Variants in EDNRB observed in about 807,000 individuals in gnomAD.
EDNRB encodes the protein endothelin receptor type B, also known as Hirschsprung disease 2.
EDNRB carries 18 observed loss-of-function variants against 46.4 expected under a neutral mutation model. The observed-to-expected ratio is 0.39, with a 90% CI of 0.27 to 0.57. The LOEUF (loss-of-function observed/expected upper bound fraction) is 0.57, where lower values mean the gene tolerates loss of function less well. EDNRB is among the 20% of genes least tolerant of loss of function. The pLI is 0.61. For synonymous variants in EDNRB, 213 were observed against 204.9 expected, an observed-to-expected ratio of 1.04 and a Z score of -0.34; for missense variants, 434 against 537.5, an observed-to-expected ratio of 0.81 and a Z score of 1.90.
At chr13:77,934,596 T>TAGTTATCAG (rs1346542904) in intron 1 of EDNRB, among the ~76,000 whole-genome samples, 1 of 151,084 alleles carries the variant, frequency 6.6e-6, no homozygotes, top group Non-Finnish European at 1.5e-5. Flanking sequence ...AGAGGTATTT[T>TAGTTATCAG]AGTTATCTGA....
chr13:77,962,767 G>T (rs1881464267), intron 1 of EDNRB, among the ~76,000 whole-genome samples: 1 of 152,084 alleles, frequency 6.6e-6, no homozygotes, highest in Non-Finnish European at 1.5e-5. Context: ...GGAAGTTCTG[G>T]CCAGGGCAAT....
chr13:77,970,787 C>T (rs1881706482), intron 1 of EDNRB, among the ~76,000 whole-genome samples: 1 of 151,926 alleles, frequency 6.6e-6, no homozygotes, highest in African/African-American at 2.4e-5. Context: ...TTTAGGGTTC[C>T]AGTACACTTA....
In EDNRB at chr13:77,898,260, G is replaced by A. The variant is rs746431031; in HGVS notation, c.1269C>T (p.Phe423=). The change falls in exon 7 of 7, where the codon TTC becomes TTT. Residue 423 remains phenylalanine (F), a synonymous_variant. Coordinates refer to ENST00000646607, the MANE Select transcript of EDNRB (RefSeq NM_001122659.3). ...TGTCATATCCGTGATCATTAGCTTT[G>A]AACTTTAAGCACGACTGCTTTTCCT... is the stretch of plus-strand genomic sequence containing the variant. The part of the protein sequence containing the change: ...SLEEKQSCLK[F]KANDHGYDNF... 27 of 1,611,980 alleles carry A rather than the reference G, an allele frequency of 1.7e-5. No homozygotes were observed. In the South Asian group the frequency reaches 2.9e-4, roughly 17 times the overall value.
intron 1 of EDNRB, among the ~76,000 whole-genome samples, chr13:77,940,568 G>C (rs986401593): frequency 2.0e-5 from 3 of 152,154 alleles, no homozygotes; most frequent in Non-Finnish European, 4.4e-5. Context: ...GAAACAGGAA[G>C]CTCTAATACA....
rs902700232 is a variant in EDNRB at position 77,897,741 on chromosome 13, T to G, written c.*459A>C. ...TAGTGTGATAATATTAATTGAAAAG[T>G]TGTTTTAAAGGATTTTAAAATTTTA... On this transcript the variant is annotated 3_prime_UTR_variant, in exon 7 of 7. Transcript: ENST00000646607. 2 of 986,276 alleles carry G rather than the reference T, an allele frequency of 2.0e-6. No homozygotes were observed. The highest frequency in any genetic ancestry group is 2.4e-6 in the Non-Finnish European group (2 of 828,992). The allele number at this position is 986,276 out of a possible 1,614,324, so 61.1% of individuals were successfully genotyped here.
chr13:77,912,266 C>A lies in EDNRB; in HGVS notation c.483+5825G>T, dbSNP rs3027129. ...TGACATTTGTAGAGGCTTGGATTTA[C>A]GGAGTGACCAAGTGGCAGATCAAAG... On this transcript the variant is annotated intron_variant, in intron 1 of 6. Transcript: ENST00000646607. Among the ~76,000 whole-genome samples, 363 of 152,146 alleles carry A rather than the reference C, an allele frequency of 2.4e-3. 2 individuals are homozygous for A. Among genetic ancestry groups the A allele is most frequent in the African/African-American group, 8.4e-3 (350 of 41,550 alleles).
chr13:77,919,258 T>A, upstream of EDNRB: 5 of 923,692 alleles, frequency 5.4e-6, no homozygotes, highest in Non-Finnish European at 6.3e-6. Context: ...CTCCTTCCTT[T>A]ACCCAACCTA....
chr13:77,936,083 C>A (rs530217243), intron 1 of EDNRB, among the ~76,000 whole-genome samples: 1 of 151,904 alleles, frequency 6.6e-6, no homozygotes, highest in African/African-American at 2.4e-5. Context: ...TGGCATTGAG[C>A]GGGATAAGAG....
intron 5 of EDNRB, 134 bp downstream of exon 5, chr13:77,900,387 A>T (rs1332859091): frequency 8.0e-7 from 1 of 1,247,844 alleles, no homozygotes. Context: ...GACCTCAGAT[A>T]AAAATTGGGA....
chr13:77,918,768 G>A lies in EDNRB; in HGVS notation c.-195C>T. 2.2e-6 allele frequency: 3 copies of A among 1,336,992 alleles called. No homozygotes were observed. Among genetic ancestry groups the A allele is most frequent in the Non-Finnish European group, 2.9e-6 (3 of 1,049,932 alleles). The allele number at this position is 1,336,992 out of a possible 1,614,324, so 82.8% of individuals were successfully genotyped here. On this transcript the variant is annotated 5_prime_UTR_variant, in exon 1 of 7. Coordinates refer to ENST00000646607, the MANE Select transcript of EDNRB (RefSeq NM_001122659.3). This position sits in a 1 kb window ranked among gnomAD's most constrained non-coding sequence, Gnocchi z 4.5. ...AAGTTTGCGCGCCAGTGGGAAACTTGGCGCTCATGACTCGCCAGCGCGGGT... is the reference window on the plus strand; with the variant it reads ...AAGTTTGCGCGCCAGTGGGAAACTTAGCGCTCATGACTCGCCAGCGCGGGT...
In EDNRB at chr13:77,936,070, T is replaced by C. The variant is rs1880553422; in HGVS notation, c.-51-17446A>G. ...TTTTAAAGCATGCTGTGGGATGGGATATTGGCATTGAGCGGGATAAGAGTG... is the reference window on the plus strand; with the variant it reads ...TTTTAAAGCATGCTGTGGGATGGGACATTGGCATTGAGCGGGATAAGAGTG... On this transcript the variant is annotated intron_variant, in intron 1 of 7. Coordinates refer to the EDNRB transcript ENST00000646948. Among the ~76,000 whole-genome samples the C allele has an allele frequency of 2.6e-5, 4 of 152,284 alleles. No individual in the cohort carries two copies. The South Asian group carries it at 8.3e-4, about 32-fold the overall frequency.
chr13:77,961,663 C>T (rs1881417384), intron 1 of EDNRB, among the ~76,000 whole-genome samples: 1 of 151,978 alleles, frequency 6.6e-6, no homozygotes, highest in Non-Finnish European at 1.5e-5. Context: ...CACTAAATGC[C>T]CACAGGAGAA....
intron 1 of EDNRB, among the ~76,000 whole-genome samples, chr13:77,958,626 A>T (rs1881309406): frequency 6.6e-6 from 1 of 152,132 alleles, no homozygotes; most frequent in Non-Finnish European, 1.5e-5. Flanking sequence ...CGCCTGCCTC[A>T]GCCTCCCAAA....
At chr13:77,933,219 A>C (rs1257980779) in intron 1 of EDNRB, among the ~76,000 whole-genome samples, 1 of 152,298 alleles carries the variant, frequency 6.6e-6, no homozygotes, top group African/African-American at 2.4e-5. Flanking sequence ...TGGTGAGCAG[A>C]GTTTCATGCG....
chr13:77,933,398 G>T (rs1424291671), intron 1 of EDNRB, among the ~76,000 whole-genome samples: 1 of 152,206 alleles, frequency 6.6e-6, no homozygotes, highest in Non-Finnish European at 1.5e-5. Context: ...AAGGGGGGTT[G>T]TTCTCTGGCG....
chr13:77,935,525 C>A (rs902528079), intron 1 of EDNRB, among the ~76,000 whole-genome samples: 11 of 152,052 alleles, frequency 7.2e-5, no homozygotes, highest in Non-Finnish European at 1.5e-4. Context: ...TCTAACCATG[C>A]CTAGGAAGGA....
In EDNRB at chr13:77,903,185, G is replaced by A. The variant is rs368940609; in HGVS notation, c.772C>T (p.His258Tyr). 2.5e-6 allele frequency: 4 copies of A among 1,612,838 alleles called. No individual in the cohort carries two copies. Among genetic ancestry groups the A allele is most frequent in the Non-Finnish European group, 3.4e-6 (4 of 1,179,252 alleles). ...ATGAAAGCTGTCTTCTGAACGGGAT[G>A]AAGCAAGCAGATTCGCAGATAACTT... ...KGSYLRICLLHPVQKTAFMQF... is the reference protein window; with the variant it reads ...KGSYLRICLLYPVQKTAFMQF... Residue 258 changes from histidine (H) to tyrosine (Y), a missense_variant, in exon 3 of 7, where the codon CAT becomes TAT. His to Tyr is a moderately conservative substitution (Grantham distance 83). Coordinates refer to ENST00000646607, the MANE Select transcript of EDNRB (RefSeq NM_001122659.3).
upstream of EDNRB, chr13:77,919,363 T>C: frequency 1.3e-6 from 2 of 1,588,276 alleles, no homozygotes; most frequent in Non-Finnish European, 1.7e-6. Context: ...GTTCAATCAA[T>C]GATTTTAATT....
At chr13:77,927,701 A>C (rs896299560) in intron 1 of EDNRB, among the ~76,000 whole-genome samples, 2 of 152,246 alleles carry the variant, frequency 1.3e-5, no homozygotes, top group African/African-American at 4.8e-5. Flanking sequence ...TTATCCATTC[A>C]TTAATCTAGA....
Sources: gnomAD v4.1 joint callset for allele counts (sites outside exome capture counted in the v4.1 genomes callset) on GRCh38, gnomAD v4.1.1 for gene constraint, Gnocchi (gnomAD v3.1) non-coding constraint, MANE v1.5 for transcripts, NCBI Gene and HGNC (gene_info 2026-07-23, HGNC 2026-07-21) for gene names.